Variants in NT5C3A observed in about 807,000 individuals in gnomAD.
NT5C3A encodes the protein 5'-nucleotidase, cytosolic IIIA.
In NT5C3A, 23 loss-of-function variants were observed where a neutral mutation model predicts 40.0. The observed-to-expected ratio is 0.58, with a 90% confidence interval of 0.41 to 0.81. The LOEUF (loss-of-function observed/expected upper bound fraction) is 0.81, where lower values mean the gene tolerates loss of function less well. Ranked by LOEUF, NT5C3A falls within the 40% of genes least tolerant of loss-of-function variation. The probability of loss-of-function intolerance (pLI) is 0.00; values close to 1 mark genes in which losing one functional copy is unlikely to be tolerated. For synonymous variants in NT5C3A, 130 were observed against 141.4 expected (o/e 0.92, Z 0.57); for missense variants, 328 against 403.0 (o/e 0.81, Z 1.59).
chr7:33,015,860 T>G lies in NT5C3A; in HGVS notation c.704A>C (p.Lys235Thr). 6.2e-7 allele frequency: 1 copy of G among 1,602,454 alleles called. No individual in the cohort carries two copies. Among genetic ancestry groups the G allele is most frequent in the South Asian group, 1.1e-5 (1 of 90,848 alleles). ...FMDFDETGVL[K>T]GFKGELIHVF... is the part of the protein sequence containing the mutation. The stretch of plus-strand genomic sequence containing the variant: ...ATGAATTAGTTCTCCTTTAAATCCT[T>G]TGAGCACCCCCTATGAAAAATATAA... Residue 235 changes from lysine (K) to threonine (T), a missense_variant, in exon 8 of 9, where the codon AAA becomes ACA. Around this residue, in one of 3 missense-constraint regions of NT5C3A, gnomAD observed 280 missense variants for 317.2 expected, o/e 0.88. Coordinates refer to ENST00000610140, the MANE Select transcript of NT5C3A (RefSeq NM_001002010.5).
chr7:33,056,940 T>C (rs1787594249), intron 1 of NT5C3A, among the ~76,000 whole-genome samples: 1 of 151,972 alleles, frequency 6.6e-6, no homozygotes, highest in African/African-American at 2.4e-5. Context: ...GCCTCCCGAG[T>C]AGCTGGGATT....
intron 1 of NT5C3A, among the ~76,000 whole-genome samples, chr7:33,036,957 G>A (rs1419945657): frequency 3.3e-5 from 5 of 151,938 alleles, no homozygotes; most frequent in African/African-American, 4.8e-5. Flanking sequence ...GATTACAGGC[G>A]CATGCCGCCA....
chr7:33,016,006 G>C (rs188633213), intron 7 of NT5C3A, 136 bp from the exon 8 acceptor site: 1 of 680,042 alleles, frequency 1.5e-6, no homozygotes, highest in East Asian at 2.7e-5. Flanking sequence ...AGATCTCAAA[G>C]CACTTAAGTC....
chr7:33,044,608 G>A (rs1159886179), intron 1 of NT5C3A, among the ~76,000 whole-genome samples: 1 of 152,132 alleles, frequency 6.6e-6, no homozygotes, highest in Non-Finnish European at 1.5e-5. Context: ...CACAGCACTT[G>A]TACAGAATTC....
chr7:33,054,460 C>A (rs1787492155), intron 1 of NT5C3A, among the ~76,000 whole-genome samples: 1 of 152,112 alleles, frequency 6.6e-6, no homozygotes, highest in Non-Finnish European at 1.5e-5. Context: ...TATGCAATGT[C>A]ATTTCCTGTT....
chr7:33,059,158 G>T (rs1397034905), intron 1 of NT5C3A, among the ~76,000 whole-genome samples: 3 of 152,138 alleles, frequency 2.0e-5, no homozygotes, highest in African/African-American at 7.2e-5. Context: ...ACTGGCCATT[G>T]AGAGGCTAGA....
chr7:33,032,348 G>A (rs1035703287), intron 1 of NT5C3A, among the ~76,000 whole-genome samples: 2 of 149,448 alleles, frequency 1.3e-5, no homozygotes, highest in Non-Finnish European at 3.0e-5. Context: ...CTTGAACCCA[G>A]GAGGCGGAGG....
At chr7:33,043,210 C>T (rs1787004752) in intron 1 of NT5C3A, among the ~76,000 whole-genome samples, 1 of 152,166 alleles carries the variant, frequency 6.6e-6, no homozygotes, top group African/African-American at 2.4e-5. Context: ...TGAGTATTTA[C>T]AGACATATGG....
intron 5 of NT5C3A, among the ~76,000 whole-genome samples, 175 bp from the exon 6 acceptor site, chr7:33,019,899 T>C (rs1285308536): frequency 1.3e-5 from 2 of 152,230 alleles, no homozygotes; most frequent in Non-Finnish European, 2.9e-5. Context: ...AAATGTGATA[T>C]GCATGTTCTT....
chr7:33,019,605 A>G (rs748597186), intron 6 of NT5C3A, 30 bp downstream of exon 6: 14 of 1,294,506 alleles, frequency 1.1e-5, no homozygotes, highest in African/African-American at 1.5e-5. Flanking sequence ...TCTGTGAACA[A>G]TAACAGCAAA....
intron 1 of NT5C3A, among the ~76,000 whole-genome samples, chr7:33,048,392 T>C (rs909257617): frequency 1.3e-5 from 2 of 152,152 alleles, no homozygotes; most frequent in Non-Finnish European, 2.9e-5. Context: ...AGCTGGATCA[T>C]AATTCAGGTA....
In NT5C3A at chr7:33,015,796, T is replaced by G. The variant is rs777034986; in HGVS notation, c.768A>C (p.Glu256Asp). 6.2e-7 allele frequency: 1 copy of G among 1,610,508 alleles called. No individual in the cohort carries two copies. The highest frequency in any genetic ancestry group is 1.3e-5 in the African/African-American group (1 of 74,856). ...TATTGTCTTTTAGTTGATTGAAATA[T>G]TCTGTATTCCTCAAGGCACCATCAT... ...NKHDGALRNT[E>D]YFNQLKDNSN... The change falls in exon 8 of 9, where the codon GAA becomes GAC. Residue 256 changes from glutamate to aspartate, a missense_variant. Around this residue, in one of 3 missense-constraint regions of NT5C3A, gnomAD observed 12 missense variants for 34.7 expected, o/e 0.35. Coordinates refer to ENST00000610140, the MANE Select transcript of NT5C3A (RefSeq NM_001002010.5).
intron 1 of NT5C3A, chr7:33,029,607 C>T (rs1786134587): frequency 1.6e-6 from 2 of 1,227,956 alleles, no homozygotes; most frequent in South Asian, 2.5e-5. Context: ...TATTTGATTT[C>T]AGTGTACCCA....
At chr7:33,050,591 G>C (rs1397583966) in intron 1 of NT5C3A, among the ~76,000 whole-genome samples, 1 of 152,148 alleles carries the variant, frequency 6.6e-6, no homozygotes, top group African/African-American at 2.4e-5. Flanking sequence ...GACAGAATGG[G>C]GACAGGAAGG....
chr7:33,015,529 C>T lies in NT5C3A; in HGVS notation c.894+141G>A, dbSNP rs115931908. On this transcript the variant is annotated intron_variant, in intron 8 of 8. Transcript: ENST00000610140. ...AGTGAGATGTGATTGCATCACTACA[C>T]TCTAGCCTCGGTAACAGAGGCTTGT... The T allele has an allele frequency of 0.031, 19,474 of 632,208 alleles. 652 individuals carry two copies. The highest frequency in any genetic ancestry group is 0.12 in the South Asian group (6,152 of 50,828). 39.2% of individuals were successfully genotyped at this position (632,208 alleles called of 1,614,324 possible). A position where few individuals can be genotyped will look rare whatever the true frequency, so the allele number is the denominator to read the frequency against.
intron 1 of NT5C3A, among the ~76,000 whole-genome samples, chr7:33,038,491 T>C (rs927900907): frequency 2.6e-5 from 4 of 151,522 alleles, no homozygotes; most frequent in African/African-American, 9.7e-5. Context: ...ATGGCCAACT[T>C]TAGGACCTTT....
chr7:33,026,910 T>C lies in NT5C3A; in HGVS notation c.144A>G (p.Pro48=), dbSNP rs771610121. Residue 48 remains proline, a synonymous_variant, in exon 2 of 9, where the codon CCA becomes CCG. Coordinates refer to ENST00000610140, the MANE Select transcript of NT5C3A (RefSeq NM_001002010.5). The stretch of plus-strand genomic sequence containing the variant: ...TTCGAACTGAACTTTTCTGGAATTC[T>C]GGCATCTAAAAGTAAAAGAAAATTA... ...GRKTKIIEMM[P]EFQKSSVRIK... The C allele has an allele frequency of 1.7e-5, 27 of 1,607,710 alleles. No homozygotes were observed. Among genetic ancestry groups the C allele is most frequent in the Non-Finnish European group, 2.1e-5 (25 of 1,175,340 alleles).
intron 1 of NT5C3A, among the ~76,000 whole-genome samples, chr7:33,041,868 T>C (rs550563787): frequency 2.0e-5 from 3 of 152,316 alleles, no homozygotes; most frequent in African/African-American, 7.2e-5. Context: ...CCTTTATCAT[T>C]AGGGAACATG....
At chr7:33,028,198 A>C (rs903098977) in intron 1 of NT5C3A, among the ~76,000 whole-genome samples, 1 of 152,072 alleles carries the variant, frequency 6.6e-6, no homozygotes, top group African/African-American at 2.4e-5. Flanking sequence ...AATCCCAGCT[A>C]CTTGGAAGCT....
Sources: allele counts gnomAD v4.1 joint callset (sites outside exome capture counted in the v4.1 genomes callset), GRCh38; gene constraint gnomAD v4.1.1; regional missense constraint gnomAD v4.1.1; transcripts MANE v1.5; gene names NCBI Gene and HGNC (gene_info 2026-07-23, HGNC 2026-07-21).